Variants in IQCJ observed in about 807,000 individuals in gnomAD.
IQCJ encodes the protein IQ motif containing J.
Under a neutral mutation model 11.0 loss-of-function variants are expected in IQCJ, and 9 were observed. That is an observed-to-expected ratio of 0.82 (90% CI 0.49 to 1.43). IQCJ has a LOEUF of 1.43. Ranked by LOEUF, IQCJ falls within the 40% of genes most tolerant of loss-of-function variation. The pLI, the probability that IQCJ is intolerant of heterozygous loss-of-function variation, is 0.00. For missense variants in IQCJ, 146 were observed against 133.2 expected (o/e 1.10, Z -0.47); for synonymous variants, 55 against 51.3 (o/e 1.07, Z -0.31).
intron 1 of IQCJ, among the ~76,000 whole-genome samples, chr3:159,109,894 G>A (rs1279071541): frequency 6.6e-6 from 1 of 152,182 alleles, no homozygotes; most frequent in Non-Finnish European, 1.5e-5. Flanking sequence ...GGTACAGCAA[G>A]GGTCACTAAT....
chr3:159,128,609 G>A (rs1719812298), intron 1 of IQCJ, among the ~76,000 whole-genome samples: 1 of 152,114 alleles, frequency 6.6e-6, no homozygotes, highest in Admixed American at 6.5e-5. Context: ...CCTCCCCTCT[G>A]TGTAAAATCT....
chr3:159,196,216 A>G (rs1431616449), intron 1 of IQCJ, among the ~76,000 whole-genome samples: 1 of 152,234 alleles, frequency 6.6e-6, no homozygotes. Context: ...TCCAATTGCT[A>G]GCAAATGGTA....
chr3:159,264,905 G>GA (rs747742974), downstream of IQCJ, among the ~76,000 whole-genome samples: 155 of 131,566 alleles, frequency 1.2e-3, 1 homozygote, highest in Middle Eastern at 7.9e-3. Context: ...TGACAGAGGG[G>GA]AAAACAAAAA....
At chr3:159,117,277 C>G (rs1451871016) in intron 1 of IQCJ, among the ~76,000 whole-genome samples, 6 of 152,118 alleles carry the variant, frequency 3.9e-5, no homozygotes, top group African/African-American at 1.4e-4. Context: ...TCCACTATTT[C>G]CATTGCTGGA....
downstream of IQCJ, among the ~76,000 whole-genome samples, chr3:159,264,636 A>C (rs1728400405): frequency 6.6e-6 from 1 of 152,118 alleles, no homozygotes; most frequent in African/African-American, 2.4e-5. Context: ...TGCCTATAAA[A>C]AGTGAGAATC....
At chr3:159,144,956 C>T (rs1720840514) in intron 1 of IQCJ, among the ~76,000 whole-genome samples, 1 of 152,184 alleles carries the variant, frequency 6.6e-6, no homozygotes, top group African/African-American at 2.4e-5. Context: ...AAAGTCTCCT[C>T]AGAAGGAAAG....
chr3:159,179,824 G>T (rs1490458012), intron 1 of IQCJ, among the ~76,000 whole-genome samples: 2 of 152,148 alleles, frequency 1.3e-5, no homozygotes, highest in African/African-American at 4.8e-5. Flanking sequence ...ATAACATTCA[G>T]TCAAAAAGTG....
intron 1 of IQCJ, among the ~76,000 whole-genome samples, chr3:159,227,257 A>T (rs1172975027): frequency 6.6e-6 from 1 of 152,238 alleles, no homozygotes; most frequent in Non-Finnish European, 1.5e-5. Context: ...GCCGTGGCAA[A>T]TTATAATCTA....
chr3:159,173,080 C>T (rs1722584258), intron 1 of IQCJ, among the ~76,000 whole-genome samples: 1 of 152,164 alleles, frequency 6.6e-6, no homozygotes, highest in African/African-American at 2.4e-5. Context: ...GGCAATCTTA[C>T]TTTCCAGACC....
At chr3:159,096,258 G>A (rs1273489569) in intron 1 of IQCJ, among the ~76,000 whole-genome samples, 4 of 147,640 alleles carry the variant, frequency 2.7e-5, no homozygotes, top group African/African-American at 1.0e-4. Context: ...GTAGATTCTG[G>A]ATATTAGCCC....
intron 1 of IQCJ, among the ~76,000 whole-genome samples, chr3:159,195,412 A>T (rs1243075119): frequency 6.6e-6 from 1 of 152,158 alleles, no homozygotes; most frequent in Non-Finnish European, 1.5e-5. Context: ...TTTCAAGTAA[A>T]TAGTCTGCAG....
At chr3:159,251,491 T>G (rs1727595662) in intron 2 of IQCJ, among the ~76,000 whole-genome samples, 1 of 151,882 alleles carries the variant, frequency 6.6e-6, no homozygotes, top group African/African-American at 2.4e-5. Flanking sequence ...TAGATCATAA[T>G]CTATTGATGG....
At chr3:159,215,297 A>C (rs1434142255) in intron 1 of IQCJ, among the ~76,000 whole-genome samples, 2 of 152,182 alleles carry the variant, frequency 1.3e-5, no homozygotes, top group East Asian at 3.8e-4. Context: ...CTTCAGAGAC[A>C]GGGAAGCTTC....
intron 1 of IQCJ, among the ~76,000 whole-genome samples, chr3:159,175,447 GGCA>G (rs1355395700): frequency 6.6e-6 from 1 of 152,090 alleles, no homozygotes; most frequent in Admixed American, 6.6e-5. Flanking sequence ...CTCCAGCCTG[GGCA>G]ACAGAGCAAG....
chr3:159,205,568 C>A (rs1724610798), intron 1 of IQCJ, among the ~76,000 whole-genome samples: 1 of 152,166 alleles, frequency 6.6e-6, no homozygotes, highest in South Asian at 2.1e-4. Flanking sequence ...CTGGAGTGTC[C>A]AGCCCCAACC....
At chr3:159,071,426 A>C (rs1715551924) in intron 1 of IQCJ, among the ~76,000 whole-genome samples, 2 of 151,996 alleles carry the variant, frequency 1.3e-5, no homozygotes, top group Non-Finnish European at 2.9e-5. Flanking sequence ...TTGAATGTAA[A>C]TATCTTAATG....
chr3:159,088,563 G>T (rs568231494), intron 1 of IQCJ, among the ~76,000 whole-genome samples: 4 of 152,160 alleles, frequency 2.6e-5, no homozygotes, highest in East Asian at 1.9e-4. Flanking sequence ...TAAGTCTCTT[G>T]GTAGGTCTCT....
rs146472189 is a variant in IQCJ, at chr3:159,081,519, C to T, written c.9+12078C>T. Among the ~76,000 whole-genome samples, 540 of 152,168 alleles carry T rather than the reference C, an allele frequency of 3.5e-3. 4 individuals are homozygous for T. The highest frequency in any genetic ancestry group is 0.013 in the African/African-American group (526 of 41,540). Reference sequence around the variant, plus strand: ...ATTGTGTATATATTCTGGGATTCTTCAGTGGTATAAAAGTATACTGTTGCT... The same window carrying T: ...ATTGTGTATATATTCTGGGATTCTTTAGTGGTATAAAAGTATACTGTTGCT... On this transcript the variant is annotated intron_variant, in intron 1 of 3. Transcript: ENST00000397832.
intron 1 of IQCJ, among the ~76,000 whole-genome samples, chr3:159,188,142 G>A (rs986819171): frequency 6.6e-6 from 1 of 152,196 alleles, no homozygotes; most frequent in African/African-American, 2.4e-5. Context: ...CGGGCGCTGT[G>A]GCTCATGCCT....
Sources: gnomAD v4.1 joint callset for allele counts (sites outside exome capture counted in the v4.1 genomes callset) on GRCh38, gnomAD v4.1.1 for gene constraint, MANE v1.5 for transcripts, NCBI Gene and HGNC (gene_info 2026-07-23, HGNC 2026-07-21) for gene names.